Variants in HERC4 observed in about 807,000 individuals in gnomAD.
The protein encoded by HERC4 is probable E3 ubiquitin-protein ligase HERC4.
HERC4 carries 28 observed loss-of-function variants against 124.3 expected under a neutral mutation model. The ratio of observed to expected loss-of-function variants is 0.23; its 90% CI spans 0.17 to 0.31. HERC4 has a LOEUF of 0.31. Among genes scored for constraint, HERC4 ranks in the 10% least tolerant of loss-of-function variants. The pLI, the probability that HERC4 is intolerant of heterozygous loss-of-function variation, is 1.00. For missense variants in HERC4, 713 were observed against 1,229.3 expected, an observed-to-expected ratio of 0.58 and a Z score of 6.28; for synonymous variants, 407 against 421.5, an observed-to-expected ratio of 0.97 and a Z score of 0.42.
intron 15 of HERC4, among the ~76,000 whole-genome samples, chr10:67,983,988 T>C (rs1301194773): frequency 3.3e-5 from 5 of 151,240 alleles, no homozygotes; most frequent in Admixed American, 3.3e-4. Context: ...ATACAGAAAA[T>C]GTGGTATTTA....
intron 9 of HERC4, chr10:67,996,234 T>C (rs1192209133): frequency 2.7e-6 from 1 of 368,624 alleles, no homozygotes; most frequent in Non-Finnish European, 5.3e-6. Flanking sequence ...ATCACGCCAC[T>C]GCAATCCAGC....
intron 7 of HERC4, among the ~76,000 whole-genome samples, chr10:68,029,312 G>A (rs530869771): frequency 1.3e-5 from 2 of 152,254 alleles, no homozygotes; most frequent in East Asian, 3.9e-4. Flanking sequence ...CTAACATGGT[G>A]AAACCCCATC....
intron 9 of HERC4, among the ~76,000 whole-genome samples, chr10:68,001,093 G>A (rs571672668): frequency 1.3e-5 from 2 of 152,134 alleles, no homozygotes; most frequent in East Asian, 1.9e-4. Flanking sequence ...TTTGTCAGCC[G>A]GGTGCAGTGG....
intron 16 of HERC4, among the ~76,000 whole-genome samples, chr10:67,957,816 T>C (rs1406330092): frequency 6.6e-6 from 1 of 152,104 alleles, no homozygotes; most frequent in Non-Finnish European, 1.5e-5. Context: ...ATCTGCATTT[T>C]TTTTTCCCCC....
intron 9 of HERC4, chr10:68,010,058 A>C (rs1178130947): frequency 1.9e-6 from 1 of 536,590 alleles, no homozygotes; most frequent in Non-Finnish European, 3.4e-6. Flanking sequence ...AGTTGCCCCA[A>C]ACTCCCCTGC....
intron 4 of HERC4, among the ~76,000 whole-genome samples, chr10:68,042,046 T>G (rs979996046): frequency 6.6e-6 from 1 of 152,202 alleles, no homozygotes; most frequent in Admixed American, 6.5e-5. Flanking sequence ...AGATGGAGTC[T>G]CGCTCTGTCG....
chr10:67,941,238 T>G (rs1192652341), intron 19 of HERC4, 133 bp from the exon 20 acceptor site: 1 of 565,332 alleles, frequency 1.8e-6, no homozygotes, highest in East Asian at 3.3e-5. Flanking sequence ...TTCATCCTCA[T>G]TACTGTCTCC....
chr10:67,986,880 A>C (rs1196810241), intron 15 of HERC4, among the ~76,000 whole-genome samples: 1 of 152,148 alleles, frequency 6.6e-6, no homozygotes, highest in Non-Finnish European at 1.5e-5. Context: ...GAACTTCTAG[A>C]TCTAGGGGCA....
intron 19 of HERC4, among the ~76,000 whole-genome samples, chr10:67,941,668 ACT>A (rs2032904502): frequency 1.6e-5 from 2 of 125,792 alleles, no homozygotes; most frequent in Admixed American, 7.8e-5. Flanking sequence ...CTAAAACACA[ACT>A]TTTTTTTTTT....
At chr10:68,012,496 G>A (rs1289064956) in intron 9 of HERC4, among the ~76,000 whole-genome samples, 1 of 152,180 alleles carries the variant, frequency 6.6e-6, no homozygotes. Flanking sequence ...TCAAGGAATA[G>A]GAAGGCCCGA....
chr10:68,017,444 G>A (rs555121039), intron 8 of HERC4, among the ~76,000 whole-genome samples: 1 of 152,064 alleles, frequency 6.6e-6, no homozygotes, highest in Non-Finnish European at 1.5e-5. Flanking sequence ...TTGTGCACAA[G>A]AGACCAATAC....
At chr10:67,968,105 A>G (rs1428068537) in intron 15 of HERC4, among the ~76,000 whole-genome samples, 2 of 152,168 alleles carry the variant, frequency 1.3e-5, no homozygotes, top group Non-Finnish European at 2.9e-5. Flanking sequence ...AGGAATGGAC[A>G]CAAGTAGAGG....
intron 3 of HERC4, among the ~76,000 whole-genome samples, chr10:68,044,916 GA>G (rs565746172): frequency 4.1e-5 from 6 of 146,726 alleles, no homozygotes; most frequent in South Asian, 4.3e-4. Flanking sequence ...GAGTCCAGGT[GA>G]AAAAAAAAAG....
At chr10:67,925,386 A>T (rs2131949263) in intron 23 of HERC4, among the ~76,000 whole-genome samples, 199 bp from the exon 24 acceptor site, 2 of 152,342 alleles carry the variant, frequency 1.3e-5, no homozygotes, top group Middle Eastern at 3.4e-3. Flanking sequence ...AATCTTTCCT[A>T]GCACTTCAAA....
chr10:67,986,511 C>T (rs12414598), intron 15 of HERC4, among the ~76,000 whole-genome samples: 3 of 151,456 alleles, frequency 2.0e-5, no homozygotes, highest in Non-Finnish European at 4.4e-5. Context: ...CACCACCATA[C>T]CCAGCTAATT....
intron 3 of HERC4, chr10:68,067,945 A>G (rs966267284): frequency 3.3e-5 from 5 of 152,212 alleles, no homozygotes; most frequent in African/African-American, 1.2e-4. Context: ...AGAACTCTCG[A>G]TCTTCTTATC....
chr10:68,015,537 T>C (rs1291739414), intron 8 of HERC4, among the ~76,000 whole-genome samples: 3 of 152,204 alleles, frequency 2.0e-5, no homozygotes, highest in Non-Finnish European at 4.4e-5. Flanking sequence ...TTTTCAAATT[T>C]CTTTTGTTTT....
At chr10:68,049,590 CAAAAAAAAA>C (rs766514516) in intron 3 of HERC4, among the ~76,000 whole-genome samples, 4 of 42,612 alleles carry the variant, frequency 9.4e-5, no homozygotes, top group East Asian at 9.1e-4. Context: ...GACACTGCCA[CAAAAAAAAA>C]AAAAAAAAAA....
chr10:68,033,575 AATTTAAC>A (rs2039317687), intron 6 of HERC4, among the ~76,000 whole-genome samples: 1 of 152,228 alleles, frequency 6.6e-6, no homozygotes, highest in Non-Finnish European at 1.5e-5. Flanking sequence ...ACCAAAGATT[AATTTAAC>A]AGCCCAAATC....
Sources: allele counts gnomAD v4.1 joint callset (sites outside exome capture counted in the v4.1 genomes callset), GRCh38; gene constraint gnomAD v4.1.1; transcripts MANE v1.5; gene names NCBI Gene and HGNC (gene_info 2026-07-23, HGNC 2026-07-21).